IGSF9B: variants seen among roughly 807,000 people sequenced by gnomAD.
IGSF9B encodes protein turtle homolog B.
IGSF9B carries 48 observed loss-of-function variants against 143.7 expected under a neutral mutation model. The observed-to-expected ratio is 0.33, with a 90% CI of 0.26 to 0.42. The LOEUF (loss-of-function observed/expected upper bound fraction) is 0.42, where lower values mean the gene tolerates loss of function less well. IGSF9B is among the 20% of genes least tolerant of loss of function. IGSF9B has a pLI of 1.00. For synonymous variants in IGSF9B, 903 were observed against 833.1 expected (o/e 1.08, Z -1.44); for missense variants, 1,706 against 1,980.0 (o/e 0.86, Z 2.63).
chr11:133,939,770 AAC>A (rs1203623966), intron 3 of IGSF9B, among the ~76,000 whole-genome samples: 5 of 151,762 alleles, frequency 3.3e-5, no homozygotes, highest in Non-Finnish European at 5.9e-5. Flanking sequence ...CGCACACAGA[AAC>A]ACACACCTCG....
rs1191883014 is a variant in IGSF9B, at chr11:133,907,610, CAG to C, written c.*1457_*1458del. ...CTTGGGCAGCACCATATCTTACCGG[CAG>C]AGAGACATCTTAGTGGGAAGATGAT... On this transcript the variant is annotated 3_prime_UTR_variant, in exon 20 of 20. Coordinates refer to ENST00000533871, the MANE Select transcript of IGSF9B (RefSeq NM_001277285.4). Among the ~76,000 whole-genome samples the C allele has an allele frequency of 6.6e-6, 1 of 152,242 alleles. No homozygotes were observed. Among genetic ancestry groups the C allele is most frequent in the Non-Finnish European group, 1.5e-5 (1 of 68,042 alleles).
intron 11 of IGSF9B, 105 bp downstream of exon 11, chr11:133,930,879 C>T (rs1939712256): frequency 5.9e-6 from 7 of 1,190,886 alleles, no homozygotes; most frequent in African/African-American, 3.1e-5. Context: ...GAAGGGAGCC[C>T]GCAGAGTGCA....
intron 4 of IGSF9B, 144 bp from the exon 5 acceptor site, chr11:133,937,637 C>G: frequency 9.7e-7 from 1 of 1,029,456 alleles, no homozygotes. Flanking sequence ...GGCAGGTGCC[C>G]CCTTGCCCAT....
chr11:133,947,603 G>A (rs952253293), intron 1 of IGSF9B, among the ~76,000 whole-genome samples: 5 of 152,102 alleles, frequency 3.3e-5, no homozygotes, highest in Admixed American at 2.6e-4. Context: ...TCTGCATCTC[G>A]GACCCCTGTG....
intron 7 of IGSF9B, among the ~76,000 whole-genome samples, chr11:133,934,586 C>T (rs979998382): frequency 1.3e-5 from 2 of 152,242 alleles, no homozygotes; most frequent in Non-Finnish European, 2.9e-5. Flanking sequence ...GCGATGCACT[C>T]CATAGAGAGG....
chr11:133,949,532 C>G (rs1222756649), intron 1 of IGSF9B, among the ~76,000 whole-genome samples: 4 of 152,122 alleles, frequency 2.6e-5, no homozygotes, highest in Admixed American at 2.6e-4. Context: ...GGAAACCAAA[C>G]CCACATCCAG....
rs1940032632 is a variant in IGSF9B, at chr11:133,945,604, T to C, written c.262+457A>G. The stretch of plus-strand genomic sequence containing the variant: ...GGGCCAGGAGAAGGAGAGGACAGCA[T>C]GACAAGGAGGCAGACACCAGGCACC... On this transcript the variant is annotated intron_variant, in intron 2 of 19. Coordinates refer to ENST00000533871, the MANE Select transcript of IGSF9B (RefSeq NM_001277285.4). This position sits in a 1 kb window ranked among gnomAD's most constrained non-coding sequence, Gnocchi z 4.6. Among the ~76,000 whole-genome samples, 4 of 151,988 alleles carry C rather than the reference T, an allele frequency of 2.6e-5. 1 individual carries two copies. The South Asian group carries it at 8.3e-4, about 32-fold the overall frequency.
chr11:133,920,972 C>A lies in IGSF9B; in HGVS notation c.2753G>T (p.Ser918Ile), dbSNP rs754522571. The A allele has an allele frequency of 8.1e-6, 13 of 1,610,546 alleles. No individual in the cohort carries two copies. The highest frequency in any genetic ancestry group is 1.1e-5 in the Non-Finnish European group (13 of 1,178,026). Residue 918 changes from serine to isoleucine, a missense_variant, in exon 18 of 20, where the codon AGC (serine) becomes ATC (isoleucine). By Grantham distance (142) the Ser-to-Ile change is moderately radical. Transcript: ENST00000533871. Reference sequence around the variant, plus strand: ...TGGTGGTGGCAGGTAGGACTCCTGGCTGGATGACAGAGGGGTGAGCTGGGA... The same window carrying A: ...TGGTGGTGGCAGGTAGGACTCCTGGATGGATGACAGAGGGGTGAGCTGGGA... ...LKSQLTPLSS[S>I]QESYLPPPAY...
chr11:133,950,454 T>C (rs1412588828), intron 1 of IGSF9B, among the ~76,000 whole-genome samples: 1 of 151,768 alleles, frequency 6.6e-6, no homozygotes, highest in Non-Finnish European at 1.5e-5. Context: ...AAACGGGGAG[T>C]TGCGCCGCTC....
At position 133,919,853 on chromosome 11, in the gene IGSF9B, G is replaced by A. The variant is rs1460800515; in HGVS notation, c.3872C>T (p.Pro1291Leu). The change falls in exon 18 of 20, where the codon CCT becomes CTT. Residue 1291 changes from proline (P) to leucine (L), a missense_variant. By Grantham distance (98) the Pro-to-Leu change is moderately conservative. Around this residue, in one of 7 missense-constraint regions of IGSF9B, gnomAD observed 880 missense variants for 762.9 expected, o/e 1.15. Coordinates refer to ENST00000533871, the MANE Select transcript of IGSF9B (RefSeq NM_001277285.4). Reference sequence around the variant, plus strand: ...GTCCAAGCTGTCCCCAGGCCCAGCAGGGGCGGGGCCGGGTGGAGGGGAAGG... The same window carrying A: ...GTCCAAGCTGTCCCCAGGCCCAGCAAGGGCGGGGCCGGGTGGAGGGGAAGG... ...GYPSPPPGPAPAGPGDSLDVF... is the reference protein window; with the variant it reads ...GYPSPPPGPALAGPGDSLDVF... 1 of 1,585,570 alleles carries A rather than the reference G, an allele frequency of 6.3e-7. No homozygotes were observed.
intron 1 of IGSF9B, chr11:133,952,153 G>A (rs573245250): frequency 3.8e-5 from 16 of 425,670 alleles, no homozygotes; most frequent in South Asian, 2.1e-4. Flanking sequence ...GCTTATTCAC[G>A]CAAGAGAGAA....
At chr11:133,926,055 C>T in intron 13 of IGSF9B, 90 bp from the exon 14 acceptor site, 1 of 962,414 alleles carries the variant, frequency 1.0e-6, no homozygotes, top group Admixed American at 2.1e-5. Flanking sequence ...CATGTCAGGG[C>T]CCAGAGGGAA....
intron 3 of IGSF9B, among the ~76,000 whole-genome samples, chr11:133,943,317 T>C (rs907206386): frequency 2.6e-5 from 4 of 152,158 alleles, no homozygotes; most frequent in Admixed American, 1.3e-4. Context: ...CAAAACGAAA[T>C]GTTTTTTAAA....
At chr11:133,956,534 C>CG (rs35615972) in intron 1 of IGSF9B, among the ~76,000 whole-genome samples, 157 bp downstream of exon 1, 151,557 of 151,572 alleles carry the variant, frequency 1, 75,771 homozygotes, top group Non-Finnish European at 1. Flanking sequence ...TGCTCCCGGG[C>CG]CGCCTGGCCC....
Position 133,901,884 on chromosome 11 carries a change from A to G in IGSF9B, c.*7185T>C, listed in dbSNP as rs536038295. On this transcript the variant is annotated 3_prime_UTR_variant, in exon 20 of 20. Transcript: ENST00000533871. ...CACGCACCACACACGCACCACACAC[A>G]CACACAACACACACACAACACACCA... 7.0e-3 allele frequency among the ~76,000 whole-genome samples: 1,028 copies of G among 145,824 alleles called. 8 individuals carry two copies. The highest frequency in any genetic ancestry group is 0.025 in the African/African-American group (983 of 38,638).
At position 133,932,065 on chromosome 11, in the gene IGSF9B, T is replaced by C. The variant is rs1348649872; in HGVS notation, c.1110+6A>G. 3.1e-6 allele frequency: 5 copies of C among 1,611,214 alleles called. No individual in the cohort carries two copies. The South Asian group carries it at 5.5e-5, about 18-fold the overall frequency. The stretch of plus-strand genomic sequence containing the variant: ...CTCCAACCCTCAACATGCATCTCTC[T>C]AGCACCTTCTCAACCTGCAGGGGAC... On this transcript the variant is annotated splice_donor_region_variant and intron_variant, in intron 8 of 19. Transcript: ENST00000533871.
chr11:133,950,687 T>A (rs1385430158), intron 1 of IGSF9B, among the ~76,000 whole-genome samples: 1 of 152,188 alleles, frequency 6.6e-6, no homozygotes, highest in Non-Finnish European at 1.5e-5. Flanking sequence ...CCCTGAAGCC[T>A]AGGACCATAG....
chr11:133,940,093 G>A (rs759381294), intron 3 of IGSF9B, among the ~76,000 whole-genome samples: 17 of 140,370 alleles, frequency 1.2e-4, no homozygotes, highest in South Asian at 2.3e-4. Flanking sequence ...GCACGTCCCC[G>A]CACGCATCAT....
chr11:133,940,228 G>A (rs1200820336), intron 3 of IGSF9B, among the ~76,000 whole-genome samples: 254 of 51,086 alleles, frequency 5.0e-3, no homozygotes, highest in Middle Eastern at 0.043. Context: ...ACGCGTCATC[G>A]CACGCAAAAA....
Sources: gnomAD v4.1 joint callset for allele counts (sites outside exome capture counted in the v4.1 genomes callset) on GRCh38, gnomAD v4.1.1 for gene constraint, gnomAD v4.1.1 regional missense constraint, Gnocchi (gnomAD v3.1) non-coding constraint, MANE v1.5 for transcripts, NCBI Gene and HGNC (gene_info 2026-07-23, HGNC 2026-07-21) for gene names.